Variants in RARB observed in about 807,000 individuals in gnomAD.
RARB encodes the protein HBV-activated protein.
A neutral mutation model predicts 51.9 loss-of-function variants in RARB; 17 were observed. That is an observed-to-expected ratio of 0.33 (90% CI 0.22 to 0.49). The LOEUF is 0.49. RARB is among the 20% of genes least tolerant of loss of function. RARB has a pLI of 0.99. For synonymous variants in RARB, 215 were observed against 195.4 expected (o/e 1.10, Z -0.84); for missense variants, 369 against 550.8 (o/e 0.67, Z 3.30).
In RARB at chr3:25,364,877, G is replaced by A. The variant is rs73156065; in HGVS notation, c.179-96316G>A. Among the ~76,000 whole-genome samples the A allele has an allele frequency of 4.5e-3, 687 of 152,212 alleles. 4 individuals are homozygous for A. The highest frequency in any genetic ancestry group is 0.015 in the African/African-American group (622 of 41,510). On this transcript the variant is annotated intron_variant, in intron 5 of 11. Transcript: ENST00000383772. ...GCTGCCTCTTATTATGAAAGATATC[G>A]TTAAGTACTTCATTTTTGACAATTA...
At chr3:25,128,898 AAG>A (rs1305963011) in intron 3 of RARB, among the ~76,000 whole-genome samples, 2 of 152,066 alleles carry the variant, frequency 1.3e-5, no homozygotes, top group African/African-American at 4.8e-5. Flanking sequence ...GAATCTGTCG[AAG>A]AGAGGATTAG....
chr3:24,897,826 C>T (rs538988365), intron 2 of RARB, among the ~76,000 whole-genome samples: 269 of 151,888 alleles, frequency 1.8e-3, no homozygotes, highest in African/African-American at 6.0e-3. Context: ...AAGAAACTGC[C>T]GGACATCTAA....
chr3:25,124,170 C>A (rs950090617), intron 3 of RARB, among the ~76,000 whole-genome samples: 1 of 152,126 alleles, frequency 6.6e-6, no homozygotes, highest in Non-Finnish European at 1.5e-5. Context: ...GTCAGGAGTT[C>A]AAGACCATCC....
intron 5 of RARB, among the ~76,000 whole-genome samples, chr3:25,285,856 T>A (rs756552196): frequency 6.6e-6 from 1 of 152,190 alleles, no homozygotes; most frequent in Non-Finnish European, 1.5e-5. Flanking sequence ...TGGCTTTCTC[T>A]TTCTCTGTCT....
At chr3:25,587,280 A>C (rs1010101932) in intron 5 of RARB, among the ~76,000 whole-genome samples, 1 of 151,908 alleles carries the variant, frequency 6.6e-6, no homozygotes, top group Non-Finnish European at 1.5e-5. Flanking sequence ...GCTAGGCAAT[A>C]GCACCTGGGG....
At chr3:25,504,963 G>T (rs1285131021) in intron 3 of RARB, among the ~76,000 whole-genome samples, 1 of 151,880 alleles carries the variant, frequency 6.6e-6, no homozygotes, top group East Asian at 1.9e-4. Context: ...TCATCAAGTT[G>T]GCCAGGCTAT....
intron 3 of RARB, among the ~76,000 whole-genome samples, chr3:25,520,210 C>G (rs1356349860): frequency 6.6e-6 from 1 of 152,184 alleles, no homozygotes; most frequent in African/African-American, 2.4e-5. Flanking sequence ...GCCATATTCA[C>G]TCTTAAAATT....
chr3:25,382,253 T>C (rs1284077738), intron 5 of RARB, among the ~76,000 whole-genome samples: 1 of 152,224 alleles, frequency 6.6e-6, no homozygotes, highest in African/African-American at 2.4e-5. Flanking sequence ...GCTTTTCACC[T>C]CTCAAAATAA....
chr3:25,300,338 G>A (rs1704011493), intron 5 of RARB, among the ~76,000 whole-genome samples: 2 of 152,238 alleles, frequency 1.3e-5, no homozygotes, highest in Non-Finnish European at 2.9e-5. Context: ...AGGAAGGAGA[G>A]TATGTGCTGA....
At chr3:25,285,392 G>T (rs1350914670) in intron 5 of RARB, among the ~76,000 whole-genome samples, 1 of 152,178 alleles carries the variant, frequency 6.6e-6, no homozygotes, top group East Asian at 1.9e-4. Flanking sequence ...AGAGAGATGG[G>T]ACATGTGGAT....
chr3:25,140,363 C>G (rs1016678532), intron 4 of RARB, among the ~76,000 whole-genome samples: 1 of 152,234 alleles, frequency 6.6e-6, no homozygotes, highest in Middle Eastern at 3.4e-3. Context: ...GAAGTTGATT[C>G]CAGCCCTCAT....
chr3:25,560,375 T>G (rs533298616), intron 3 of RARB, among the ~76,000 whole-genome samples: 1 of 152,382 alleles, frequency 6.6e-6, no homozygotes, highest in East Asian at 1.9e-4. Flanking sequence ...TCTACATTAA[T>G]ATCTTAACGG....
chr3:24,838,944 G>A (rs1244279961), intron 1 of RARB, among the ~76,000 whole-genome samples: 1 of 143,214 alleles, frequency 7.0e-6, no homozygotes, highest in Non-Finnish European at 1.5e-5. Flanking sequence ...TTTTTTTAAT[G>A]TCAACTAAAT....
chr3:24,952,104 A>G (rs80021103), intron 2 of RARB, among the ~76,000 whole-genome samples: 6,325 of 152,270 alleles, frequency 0.042, 194 homozygotes, highest in Middle Eastern at 0.082. Flanking sequence ...AGCTGGGTGC[A>G]GTGGCTCATG....
At chr3:24,845,723 C>A (rs116524766) in intron 1 of RARB, among the ~76,000 whole-genome samples, 10 of 152,136 alleles carry the variant, frequency 6.6e-5, no homozygotes, top group Non-Finnish European at 8.8e-5. Flanking sequence ...TTCCCTCCCC[C>A]ACTTGAGAGT....
At chr3:24,946,522 T>C (rs1243531250) in intron 2 of RARB, among the ~76,000 whole-genome samples, 1 of 151,974 alleles carries the variant, frequency 6.6e-6, no homozygotes, top group Non-Finnish European at 1.5e-5. Flanking sequence ...GTTTCTACTA[T>C]AACATAATGT....
intron 2 of RARB, among the ~76,000 whole-genome samples, chr3:24,898,527 T>A (rs1703527849): frequency 6.6e-6 from 1 of 152,066 alleles, no homozygotes; most frequent in Non-Finnish European, 1.5e-5. Context: ...TATAGCAATG[T>A]TTGAAAAATA....
intron 5 of RARB, among the ~76,000 whole-genome samples, chr3:25,328,518 T>G (rs929389663): frequency 1.3e-5 from 2 of 152,154 alleles, no homozygotes; most frequent in Non-Finnish European, 2.9e-5. Flanking sequence ...AGTCTCTGTC[T>G]AAAAGAAAAA....
At chr3:25,259,942 A>AG in intron 5 of RARB, 1 of 985,238 alleles carries the variant, frequency 1.0e-6, no homozygotes, top group Middle Eastern at 5.2e-4. Flanking sequence ...GCATTCATGG[A>AG]GGGGAGGGGG....
Sources: allele counts gnomAD v4.1 joint callset (sites outside exome capture counted in the v4.1 genomes callset), GRCh38; gene constraint gnomAD v4.1.1; transcripts MANE v1.5; gene names NCBI Gene and HGNC (gene_info 2026-07-23, HGNC 2026-07-21).